Variants in MAN2A1 observed in about 807,000 individuals in gnomAD.
MAN2A1 encodes the protein alpha-mannosidase 2.
MAN2A1 carries 76 observed loss-of-function variants against 142.6 expected under a neutral mutation model. The observed-to-expected ratio is 0.53, with a 90% CI of 0.44 to 0.65. MAN2A1 has a LOEUF of 0.65. MAN2A1 is among the 30% of genes least tolerant of loss of function. MAN2A1 has a pLI of 0.00. For missense variants in MAN2A1, 1,311 were observed against 1,365.1 expected, an observed-to-expected ratio of 0.96 and a Z score of 0.62; for synonymous variants, 559 against 473.2, an observed-to-expected ratio of 1.18 and a Z score of -2.35.
chr5:109,790,394 A>G (rs1753707737), intron 12 of MAN2A1, among the ~76,000 whole-genome samples: 1 of 151,948 alleles, frequency 6.6e-6, no homozygotes, highest in South Asian at 2.1e-4. Flanking sequence ...AGCATAGACT[A>G]AAGTCTTAGT....
chr5:109,797,420 A>G (rs1753892665), intron 12 of MAN2A1, among the ~76,000 whole-genome samples: 1 of 152,144 alleles, frequency 6.6e-6, no homozygotes, highest in Non-Finnish European at 1.5e-5. Context: ...TGGAGGGGCA[A>G]TAACAGACCA....
chr5:109,779,895 A>G (rs1406692570), intron 8 of MAN2A1, among the ~76,000 whole-genome samples: 1 of 152,210 alleles, frequency 6.6e-6, no homozygotes, highest in African/African-American at 2.4e-5. Flanking sequence ...AGAAATAATC[A>G]TCTATTTTGC....
In MAN2A1 at chr5:109,847,710, C is replaced by G. The variant is rs1163958433; in HGVS notation, c.2896C>G (p.Leu966Val). Residue 966 changes from leucine to valine, a missense_variant, in exon 19 of 22, where the codon CTT becomes GTT. This residue lies in a region of MAN2A1 where 890 missense variants were observed against 920.5 expected (regional missense o/e 0.97). Transcript: ENST00000261483. ...ACTCATGCAAGATGATAATCGTGGC[C>G]TTGAGCAAGGTATCCAGGATAACAA... ...RRLMQDDNRGLEQGIQDNKIT... is the reference protein window; with the variant it reads ...RRLMQDDNRGVEQGIQDNKIT... The G allele has an allele frequency of 6.2e-7, 1 of 1,601,356 alleles. No individual in the cohort carries two copies. The highest frequency in any genetic ancestry group is 1.3e-5 in the African/African-American group (1 of 74,248).
chr5:109,832,786 C>T (rs1257220337), intron 16 of MAN2A1, among the ~76,000 whole-genome samples: 2 of 151,472 alleles, frequency 1.3e-5, no homozygotes, highest in Non-Finnish European at 2.9e-5. Flanking sequence ...CCACCTCCCT[C>T]CCGGACGGGG....
At chr5:109,701,984 GATCTGGTAGTC>G (rs1011330372) in intron 1 of MAN2A1, among the ~76,000 whole-genome samples, 5 of 152,218 alleles carry the variant, frequency 3.3e-5, no homozygotes, top group Admixed American at 6.5e-5. Flanking sequence ...GGGAGATGCT[GATCTGGTAGTC>G]ATCAGCATAG....
At chr5:109,737,869 G>A (rs1443581934) in intron 4 of MAN2A1, among the ~76,000 whole-genome samples, 1 of 152,132 alleles carries the variant, frequency 6.6e-6, no homozygotes, top group African/African-American at 2.4e-5. Context: ...GTATAGATTC[G>A]AGTTATTACT....
intron 12 of MAN2A1, among the ~76,000 whole-genome samples, chr5:109,797,609 T>G (rs1479164360): frequency 1.3e-5 from 2 of 152,020 alleles, no homozygotes; most frequent in African/African-American, 4.8e-5. Flanking sequence ...TAAAAAACTT[T>G]AGGAAAAAAT....
chr5:109,705,927 A>G (rs936573690), intron 1 of MAN2A1, among the ~76,000 whole-genome samples: 1 of 152,096 alleles, frequency 6.6e-6, no homozygotes, highest in Non-Finnish European at 1.5e-5. Flanking sequence ...TTATGATTAC[A>G]TTGGGCCTAC....
At chr5:109,694,862 A>C (rs1750769114) in intron 1 of MAN2A1, among the ~76,000 whole-genome samples, 1 of 152,190 alleles carries the variant, frequency 6.6e-6, no homozygotes, top group South Asian at 2.1e-4. Context: ...TATAAGGAAA[A>C]TATGATCTCC....
intron 13 of MAN2A1, among the ~76,000 whole-genome samples, chr5:109,819,339 A>C (rs1459261490): frequency 6.6e-6 from 1 of 152,220 alleles, no homozygotes; most frequent in Non-Finnish European, 1.5e-5. Context: ...GTTGAGGAGC[A>C]TCTGCATTTG....
intron 4 of MAN2A1, among the ~76,000 whole-genome samples, chr5:109,749,041 T>A (rs1752480201): frequency 6.6e-6 from 1 of 152,084 alleles, no homozygotes; most frequent in Admixed American, 6.6e-5. Flanking sequence ...TTTTTAAAAT[T>A]TAAGAATGAA....
At chr5:109,816,273 T>G (rs572195752) in intron 12 of MAN2A1, among the ~76,000 whole-genome samples, 5 of 152,254 alleles carry the variant, frequency 3.3e-5, no homozygotes, top group Non-Finnish European at 7.3e-5. Flanking sequence ...TTAAATGTTA[T>G]GTGAAGGATG....
chr5:109,765,173 C>G (rs1337306752), intron 5 of MAN2A1, among the ~76,000 whole-genome samples: 2 of 152,090 alleles, frequency 1.3e-5, no homozygotes, highest in Non-Finnish European at 2.9e-5. Context: ...TTCCCCCCAC[C>G]CAGTCAAGAA....
At chr5:109,836,149 C>T (rs1755049790) in intron 16 of MAN2A1, among the ~76,000 whole-genome samples, 1 of 151,382 alleles carries the variant, frequency 6.6e-6, no homozygotes, top group South Asian at 2.1e-4. Context: ...CACTCTGTTG[C>T]CCCAGGCTGG....
At chr5:109,708,416 A>G (rs971806259) in intron 1 of MAN2A1, among the ~76,000 whole-genome samples, 3 of 151,662 alleles carry the variant, frequency 2.0e-5, no homozygotes, top group Non-Finnish European at 4.4e-5. Flanking sequence ...GAAACTTTTG[A>G]TAATCCCGGT....
chr5:109,802,489 C>T (rs12187123), intron 12 of MAN2A1, among the ~76,000 whole-genome samples: 3 of 151,956 alleles, frequency 2.0e-5, no homozygotes, highest in African/African-American at 2.4e-5. Flanking sequence ...TTGGTTTGGG[C>T]GAATTATGAA....
chr5:109,713,455 A>T, intron 1 of MAN2A1, 65 bp from the exon 2 acceptor site: 1 of 1,370,204 alleles, frequency 7.3e-7, no homozygotes, highest in Non-Finnish European at 9.7e-7. Context: ...AAAAAAAAAA[A>T]TGTGTATGCC....
rs1754571056 is a variant in MAN2A1, at chr5:109,819,727, C to T, written c.2168C>T (p.Ser723Leu). 6.2e-7 allele frequency: 1 copy of T among 1,612,388 alleles called. No homozygotes were observed. The highest frequency in any genetic ancestry group is 8.5e-7 in the Non-Finnish European group (1 of 1,179,236). Residue 723 changes from serine (S) to leucine (L), a missense_variant, in exon 14 of 22, where the codon TCA becomes TTA. By Grantham distance (145) the Ser-to-Leu change is moderately radical. Around this residue, in one of 3 missense-constraint regions of MAN2A1, gnomAD observed 890 missense variants for 920.5 expected, o/e 0.97. Transcript: ENST00000261483. ...LGLKVYKILE[S>L]ASSNSHLADY... ...CTGAAAGTGTATAAGATTTTGGAAT[C>T]AGCAAGTTCAAATTCACATTTAGCT...
intron 4 of MAN2A1, among the ~76,000 whole-genome samples, chr5:109,733,680 A>G (rs1258762386): frequency 6.6e-6 from 1 of 152,070 alleles, no homozygotes; most frequent in Non-Finnish European, 1.5e-5. Flanking sequence ...ATTAGCGTAT[A>G]TTGAACCAGC....
Sources: allele counts gnomAD v4.1 joint callset (sites outside exome capture counted in the v4.1 genomes callset), GRCh38; gene constraint gnomAD v4.1.1; regional missense constraint gnomAD v4.1.1; transcripts MANE v1.5; gene names NCBI Gene and HGNC (gene_info 2026-07-23, HGNC 2026-07-21).